Variants in BCAS3 observed in about 807,000 individuals in gnomAD.
BCAS3 encodes the protein BCAS4/BCAS3 fusion.
BCAS3 carries 53 observed loss-of-function variants against 116.1 expected under a neutral mutation model. That is an observed-to-expected ratio of 0.46 (90% CI 0.37 to 0.57). The LOEUF (loss-of-function observed/expected upper bound fraction) is 0.57. Ranked by LOEUF, BCAS3 falls within the 20% of genes least tolerant of loss-of-function variation. The pLI, the probability that BCAS3 is intolerant of heterozygous loss-of-function variation, is 0.00. For synonymous variants in BCAS3, 391 were observed against 408.2 expected, an observed-to-expected ratio of 0.96 and a Z score of 0.51; for missense variants, 917 against 1,165.4, an observed-to-expected ratio of 0.79 and a Z score of 3.10.
intron 22 of BCAS3, among the ~76,000 whole-genome samples, chr17:61,292,986 G>T (rs771587772): frequency 8.5e-5 from 13 of 152,138 alleles, no homozygotes; most frequent in Non-Finnish European, 1.6e-4. Flanking sequence ...CCAGAAGAAG[G>T]TTATTTATGG....
intron 22 of BCAS3, among the ~76,000 whole-genome samples, chr17:61,257,154 G>A (rs2144572107): frequency 6.6e-6 from 1 of 152,206 alleles, no homozygotes; most frequent in East Asian, 1.9e-4. Context: ...AGGCGTGGTG[G>A]CTCACGCCTG....
chr17:61,316,764 G>C lies in BCAS3; in HGVS notation c.2426-51563G>C, dbSNP rs765037018. Among the ~76,000 whole-genome samples, 1 of 152,206 alleles carries C rather than the reference G, an allele frequency of 6.6e-6. No homozygotes were observed. ...TCCTTCCTTTTTTAGTCAAACATCT[G>C]CTCAACTGTATGTGCTGTGCTAGAT... On this transcript the variant is annotated intron_variant, in intron 22 of 23. Coordinates refer to ENST00000407086, the MANE Select transcript of BCAS3 (RefSeq NM_017679.5). The surrounding 1 kb of genome is among the most constrained non-coding windows in gnomAD (Gnocchi z 5.8).
At position 61,352,508 on chromosome 17, in the gene BCAS3, A is replaced by G. The variant is rs1043294148; in HGVS notation, c.2426-15819A>G. Among the ~76,000 whole-genome samples the G allele has an allele frequency of 3.9e-5, 6 of 152,284 alleles. No homozygotes were observed. Among genetic ancestry groups the G allele is most frequent in the Admixed American group, 3.9e-4 (6 of 15,302 alleles). On this transcript the variant is annotated intron_variant, in intron 22 of 23. Coordinates refer to ENST00000407086, the MANE Select transcript of BCAS3 (RefSeq NM_017679.5). This position sits in a 1 kb window ranked among gnomAD's most constrained non-coding sequence, Gnocchi z 4.7. ...ACTTACTTCTCAGCTAGGGAAATGA[A>G]TAACATCCTGGTTGGCCTCGGTGGA...
chr17:60,742,728 C>T (rs983657112), intron 5 of BCAS3, among the ~76,000 whole-genome samples: 1 of 151,928 alleles, frequency 6.6e-6, no homozygotes, highest in Non-Finnish European at 1.5e-5. Flanking sequence ...GCTACTGTGC[C>T]TGGCCTCCTT....
intron 22 of BCAS3, among the ~76,000 whole-genome samples, chr17:61,192,651 A>G (rs959657926): frequency 1.3e-5 from 2 of 152,228 alleles, no homozygotes; most frequent in Non-Finnish European, 2.9e-5. Context: ...CTAAAATTCA[A>G]TACTTTTACA....
chr17:61,093,773 T>C (rs1457987032), intron 22 of BCAS3, among the ~76,000 whole-genome samples: 1 of 152,212 alleles, frequency 6.6e-6, no homozygotes, highest in African/African-American at 2.4e-5. Context: ...TAGCTGTCTT[T>C]TTACCCACAT....
At chr17:60,769,422 T>C (rs1440851759) in intron 6 of BCAS3, among the ~76,000 whole-genome samples, 1 of 152,180 alleles carries the variant, frequency 6.6e-6, no homozygotes, top group South Asian at 2.1e-4. Context: ...GAGGTGGGCT[T>C]TGTCTTTGAA....
At chr17:60,684,065 C>T in intron 3 of BCAS3, 29 bp downstream of exon 3, 2 of 1,606,362 alleles carry the variant, frequency 1.2e-6, no homozygotes, top group Non-Finnish European at 8.5e-7. Flanking sequence ...TTTCGCCTTT[C>T]CCTTTGGTCA....
At chr17:60,855,668 A>C (rs1415454896) in intron 7 of BCAS3, among the ~76,000 whole-genome samples, 1 of 151,484 alleles carries the variant, frequency 6.6e-6, no homozygotes, top group African/African-American at 2.4e-5. Flanking sequence ...GTGGTATCTC[A>C]TAGTGATTTT....
intron 5 of BCAS3, among the ~76,000 whole-genome samples, chr17:60,742,767 A>G (rs2144235886): frequency 1.3e-5 from 2 of 152,104 alleles, no homozygotes; most frequent in Non-Finnish European, 2.9e-5. Context: ...AACTAGAAGT[A>G]AAAAAGTAAA....
At chr17:60,753,318 A>C (rs972607727) in intron 6 of BCAS3, among the ~76,000 whole-genome samples, 2 of 151,776 alleles carry the variant, frequency 1.3e-5, no homozygotes, top group African/African-American at 4.8e-5. Context: ...ATTATGCCTA[A>C]CTTTAAATCA....
chr17:60,920,702 C>G (rs1205293440), intron 12 of BCAS3, among the ~76,000 whole-genome samples: 2 of 152,106 alleles, frequency 1.3e-5, no homozygotes, highest in Non-Finnish European at 2.9e-5. Context: ...AATCCCGTCT[C>G]TACTAAAAAC....
At chr17:60,843,992 G>C (rs370816036) in intron 7 of BCAS3, among the ~76,000 whole-genome samples, 1 of 152,072 alleles carries the variant, frequency 6.6e-6, no homozygotes, top group African/African-American at 2.4e-5. Context: ...TTTTTGAGAC[G>C]GAGTTTCTCT....
At chr17:61,232,008 C>A (rs1359835306) in intron 22 of BCAS3, among the ~76,000 whole-genome samples, 2 of 151,174 alleles carry the variant, frequency 1.3e-5, no homozygotes, top group African/African-American at 4.9e-5. Flanking sequence ...AGTTCAAGAC[C>A]AGCCTGGCCA....
At chr17:60,694,724 C>T (rs1223055106) in intron 4 of BCAS3, among the ~76,000 whole-genome samples, 3 of 151,766 alleles carry the variant, frequency 2.0e-5, no homozygotes, top group Non-Finnish European at 4.4e-5. Flanking sequence ...GATCCTCCCA[C>T]CTCGGTGTCC....
At chr17:60,969,443 G>A (rs2061836116) in intron 14 of BCAS3, among the ~76,000 whole-genome samples, 1 of 152,120 alleles carries the variant, frequency 6.6e-6, no homozygotes, top group African/African-American at 2.4e-5. Flanking sequence ...AAATGGATGT[G>A]TTAATAGCAG....
chr17:60,790,244 G>C (rs1379674598), intron 6 of BCAS3, among the ~76,000 whole-genome samples: 4 of 152,060 alleles, frequency 2.6e-5, no homozygotes, highest in Non-Finnish European at 5.9e-5. Flanking sequence ...CTTCAATTCA[G>C]GTTTGAGAAA....
At chr17:60,820,109 T>C (rs939316127) in intron 7 of BCAS3, among the ~76,000 whole-genome samples, 12 of 151,822 alleles carry the variant, frequency 7.9e-5, no homozygotes, top group Non-Finnish European at 1.3e-4. Context: ...CTCGTTCTGT[T>C]GCCCAGGCTG....
rs114468517 is a variant in BCAS3, at chr17:61,387,955, T to G, written c.2594-4022T>G. Among the ~76,000 whole-genome samples the G allele has an allele frequency of 1.8e-3, 272 of 152,254 alleles. 2 individuals are homozygous for G. Among genetic ancestry groups the G allele is most frequent in the African/African-American group, 6.1e-3 (253 of 41,526 alleles). The stretch of plus-strand genomic sequence containing the variant: ...GCCACTCCTCCTCTCCTGCCCTACT[T>G]TGGGGCCTGGAGAACAAGCTCTTTT... On this transcript the variant is annotated intron_variant, in intron 23 of 23. Coordinates refer to ENST00000407086, the MANE Select transcript of BCAS3 (RefSeq NM_017679.5). The surrounding 1 kb of genome is among the most constrained non-coding windows in gnomAD (Gnocchi z 6.2).
Sources: allele counts gnomAD v4.1 joint callset (sites outside exome capture counted in the v4.1 genomes callset), GRCh38; gene constraint gnomAD v4.1.1; non-coding constraint Gnocchi (gnomAD v3.1); transcripts MANE v1.5; gene names NCBI Gene and HGNC (gene_info 2026-07-23, HGNC 2026-07-21).